GPR158: variants seen among roughly 807,000 people sequenced by gnomAD.
GPR158 encodes the protein metabotropic glycine receptor.
Under a neutral mutation model 78.2 loss-of-function variants are expected in GPR158, and 30 were observed. The ratio of observed to expected loss-of-function variants is 0.38; its 90% CI spans 0.29 to 0.52. GPR158 has a LOEUF of 0.52. GPR158 is among the 20% of genes least tolerant of loss of function. The probability of loss-of-function intolerance (pLI) is 0.83; values close to 1 mark genes in which losing one functional copy is unlikely to be tolerated. For missense variants in GPR158, 1,463 were observed against 1,523.5 expected (o/e 0.96, Z 0.66); for synonymous variants, 581 against 591.1 (o/e 0.98, Z 0.25).
chr10:25,282,072 A>C (rs982509299), intron 2 of GPR158, among the ~76,000 whole-genome samples: 3 of 152,214 alleles, frequency 2.0e-5, no homozygotes, highest in African/African-American at 7.2e-5. Context: ...ATCATAATCA[A>C]GCAACAAAAC....
chr10:25,343,830 G>T (rs1241759290), intron 2 of GPR158, among the ~76,000 whole-genome samples: 2 of 151,912 alleles, frequency 1.3e-5, no homozygotes, highest in Non-Finnish European at 2.9e-5. Flanking sequence ...GTATACTTTG[G>T]ATCACTTAGA....
intron 3 of GPR158, among the ~76,000 whole-genome samples, chr10:25,397,486 C>T (rs1176278455): frequency 6.6e-6 from 1 of 152,164 alleles, no homozygotes; most frequent in Admixed American, 6.5e-5. Flanking sequence ...ATTTGGATTT[C>T]ACTGAGGCAT....
At chr10:25,204,124 A>C (rs1053374335) in intron 1 of GPR158, among the ~76,000 whole-genome samples, 2 of 152,188 alleles carry the variant, frequency 1.3e-5, no homozygotes, top group African/African-American at 4.8e-5. Context: ...ACTTTGCTGA[A>C]GTTGCTTATC....
At chr10:25,252,444 T>G (rs2130723447) in intron 2 of GPR158, among the ~76,000 whole-genome samples, 1 of 152,152 alleles carries the variant, frequency 6.6e-6, no homozygotes, top group Non-Finnish European at 1.5e-5. Context: ...TCTTTGTGGT[T>G]TTATCTACTT....
At position 25,278,533 on chromosome 10, in the gene GPR158, A is replaced by G. The variant is rs978455730; in HGVS notation, c.1008+57376A>G. Among the ~76,000 whole-genome samples the G allele has an allele frequency of 1.3e-4, 20 of 152,222 alleles. 1 individual carries two copies. The highest frequency in any genetic ancestry group is 6.2e-4 in the South Asian group (3 of 4,824). On this transcript the variant is annotated intron_variant, in intron 2 of 10. Coordinates refer to ENST00000376351, the MANE Select transcript of GPR158 (RefSeq NM_020752.3). ...AAGTAATGCCTTAGTATTTTCCAGAATGGATGAAAGATGAAAATTCTTAGA... is the reference window on the plus strand; with the variant it reads ...AAGTAATGCCTTAGTATTTTCCAGAGTGGATGAAAGATGAAAATTCTTAGA...
At chr10:25,220,088 G>T (rs1223233443) in intron 1 of GPR158, among the ~76,000 whole-genome samples, 1 of 152,034 alleles carries the variant, frequency 6.6e-6, no homozygotes, top group Non-Finnish European at 1.5e-5. Flanking sequence ...GGGGTGTGGG[G>T]CCTCAAAAAT....
At chr10:25,321,000 A>C (rs111454101) in intron 2 of GPR158, among the ~76,000 whole-genome samples, 1 of 152,198 alleles carries the variant, frequency 6.6e-6, no homozygotes, top group Non-Finnish European at 1.5e-5. Flanking sequence ...GAAAGTTTGC[A>C]TAGCACAAAG....
intron 4 of GPR158, among the ~76,000 whole-genome samples, chr10:25,428,583 A>G (rs1415537363): frequency 2.0e-5 from 3 of 152,170 alleles, no homozygotes; most frequent in African/African-American, 7.2e-5. Context: ...GGAATCCACA[A>G]ATAGGAATCA....
At chr10:25,322,280 CTG>C (rs1357805382) in intron 2 of GPR158, among the ~76,000 whole-genome samples, 1 of 151,856 alleles carries the variant, frequency 6.6e-6, no homozygotes, top group African/African-American at 2.4e-5. Context: ...ACTCGGGAGA[CTG>C]AGGCAGGAGA....
At chr10:25,346,037 C>G (rs1022951488) in intron 2 of GPR158, among the ~76,000 whole-genome samples, 1 of 151,898 alleles carries the variant, frequency 6.6e-6, no homozygotes, top group Non-Finnish European at 1.5e-5. Flanking sequence ...TATATAATAT[C>G]ATATCTAGAC....
chr10:25,469,645 G>A (rs1050479686), intron 5 of GPR158, among the ~76,000 whole-genome samples: 3 of 151,692 alleles, frequency 2.0e-5, no homozygotes, highest in African/African-American at 4.8e-5. Context: ...TTAGCCAGGC[G>A]CAGTGGCAGG....
intron 4 of GPR158, among the ~76,000 whole-genome samples, chr10:25,451,810 G>A (rs1397124458): frequency 6.6e-6 from 1 of 152,144 alleles, no homozygotes; most frequent in Non-Finnish European, 1.5e-5. Flanking sequence ...TGCAGCTGTT[G>A]TCATTATTGT....
At chr10:25,328,380 CAAT>C (rs1162774296) in intron 2 of GPR158, among the ~76,000 whole-genome samples, 1 of 151,796 alleles carries the variant, frequency 6.6e-6, no homozygotes, top group Admixed American at 6.6e-5. Flanking sequence ...TGTTAAGTGT[CAAT>C]AATAATAGTA....
intron 2 of GPR158, among the ~76,000 whole-genome samples, chr10:25,381,933 C>T (rs780278238): frequency 4.6e-5 from 7 of 152,150 alleles, no homozygotes; most frequent in Non-Finnish European, 7.3e-5. Flanking sequence ...GGGTTTTAAG[C>T]TGCCTGAGAA....
chr10:25,320,060 C>T (rs1854924456), intron 2 of GPR158, among the ~76,000 whole-genome samples: 1 of 152,148 alleles, frequency 6.6e-6, no homozygotes, highest in African/African-American at 2.4e-5. Flanking sequence ...CTAATCCAGC[C>T]CCGTCGAGTC....
intron 10 of GPR158, 94 bp downstream of exon 10, chr10:25,596,883 T>TGG: frequency 3.1e-6 from 3 of 975,434 alleles, no homozygotes; most frequent in Non-Finnish European, 4.7e-6. Context: ...TGCATGCATG[T>TGG]ACACTCATGT....
intron 2 of GPR158, among the ~76,000 whole-genome samples, chr10:25,391,976 G>A (rs1834305018): frequency 6.6e-6 from 1 of 152,060 alleles, no homozygotes; most frequent in Non-Finnish European, 1.5e-5. Flanking sequence ...CACGAGATCT[G>A]ATGGTTTTAT....
intron 6 of GPR158, among the ~76,000 whole-genome samples, chr10:25,553,278 T>C (rs1270592260): frequency 6.6e-6 from 1 of 152,172 alleles, no homozygotes; most frequent in East Asian, 1.9e-4. Context: ...TATAACATTA[T>C]CTCTTTTATT....
intron 2 of GPR158, among the ~76,000 whole-genome samples, chr10:25,359,690 G>T (rs555234866): frequency 1.3e-4 from 20 of 152,238 alleles, no homozygotes; most frequent in African/African-American, 4.8e-4. Flanking sequence ...CCAAGTCTTT[G>T]CTATTGTGAA....
Sources: gnomAD v4.1 joint callset for allele counts (sites outside exome capture counted in the v4.1 genomes callset) on GRCh38, gnomAD v4.1.1 for gene constraint, MANE v1.5 for transcripts, NCBI Gene and HGNC (gene_info 2026-07-23, HGNC 2026-07-21) for gene names.